ZNF385D: variants seen among roughly 807,000 people sequenced by gnomAD.
ZNF385D encodes zinc finger protein 385D, also known as zinc finger protein 659.
ZNF385D carries 15 observed loss-of-function variants against 35.8 expected under a neutral mutation model. The observed-to-expected ratio is 0.42, with a 90% CI of 0.28 to 0.64. ZNF385D has a LOEUF of 0.64. Ranked by LOEUF, ZNF385D falls within the 30% of genes least tolerant of loss-of-function variation. The pLI is 0.23. For missense variants in ZNF385D, 474 were observed against 494.6 expected, an observed-to-expected ratio of 0.96 and a Z score of 0.39; for synonymous variants, 212 against 186.8, an observed-to-expected ratio of 1.13 and a Z score of -1.10.
chr3:21,661,897 T>C (rs1245933090), intron 2 of ZNF385D, among the ~76,000 whole-genome samples: 1 of 152,194 alleles, frequency 6.6e-6, no homozygotes, highest in African/African-American at 2.4e-5. Flanking sequence ...TGGTTTATGC[T>C]CTTGTGGAAG....
At chr3:21,746,545 T>C (rs374896543) in intron 1 of ZNF385D, among the ~76,000 whole-genome samples, 3 of 152,342 alleles carry the variant, frequency 2.0e-5, no homozygotes, top group Admixed American at 6.5e-5. Context: ...TTTGTAGTAA[T>C]TTATTGCATG....
chr3:21,992,976 G>T (rs1167983080), intron 3 of ZNF385D, among the ~76,000 whole-genome samples: 1 of 152,122 alleles, frequency 6.6e-6, no homozygotes, highest in Non-Finnish European at 1.5e-5. Flanking sequence ...TCACCCACAG[G>T]AGTAGTATAG....
intron 3 of ZNF385D, among the ~76,000 whole-genome samples, chr3:21,872,272 T>G (rs1437745388): frequency 6.6e-6 from 1 of 152,136 alleles, no homozygotes; most frequent in African/African-American, 2.4e-5. Context: ...TAAGGTTTGT[T>G]TCCATTTGAG....
intron 3 of ZNF385D, among the ~76,000 whole-genome samples, chr3:21,985,009 T>C (rs574488453): frequency 2.0e-5 from 3 of 151,452 alleles, no homozygotes; most frequent in South Asian, 2.1e-4. Flanking sequence ...TTTTTGTACA[T>C]TGATTTTGTA....
intron 2 of ZNF385D, among the ~76,000 whole-genome samples, chr3:22,246,081 G>T (rs1346313537): frequency 6.6e-6 from 1 of 152,046 alleles, no homozygotes; most frequent in Non-Finnish European, 1.5e-5. Context: ...CAGATGCTTG[G>T]ATCAGGTTTA....
At chr3:21,559,725 A>G (rs1355165309) in intron 3 of ZNF385D, among the ~76,000 whole-genome samples, 1 of 152,184 alleles carries the variant, frequency 6.6e-6, no homozygotes, top group Admixed American at 6.5e-5. Context: ...AGGTTGGGGA[A>G]GTTCTCCTGG....
chr3:22,216,899 G>C (rs967237764), intron 2 of ZNF385D, among the ~76,000 whole-genome samples: 3 of 152,108 alleles, frequency 2.0e-5, no homozygotes, highest in Admixed American at 1.3e-4. Context: ...TGGCCAATTT[G>C]AAAGTCATAT....
intron 3 of ZNF385D, among the ~76,000 whole-genome samples, chr3:21,548,592 C>A (rs1161164481): frequency 6.6e-6 from 1 of 152,164 alleles, no homozygotes; most frequent in South Asian, 2.1e-4. Context: ...TCCATACTTA[C>A]GGTATTAGTA....
At position 22,044,610 on chromosome 3, in the gene ZNF385D, A is replaced by T. The variant is rs188416426; in HGVS notation, c.325+124207T>A. ...TTATTATGTAGGGAAGGTGGTGATG[A>T]ATTTTGGAGTAAAGGTTTTTAGAAA... On this transcript the variant is annotated intron_variant, in intron 3 of 5. Transcript: ENST00000494108. 1.9e-4 allele frequency among the ~76,000 whole-genome samples: 29 copies of T among 152,168 alleles called. 1 individual carries two copies. The East Asian group carries it at 5.6e-3, about 29-fold the overall frequency.
intron 2 of ZNF385D, among the ~76,000 whole-genome samples, chr3:22,177,356 G>A (rs868402792): frequency 6.6e-6 from 1 of 152,170 alleles, no homozygotes; most frequent in Non-Finnish European, 1.5e-5. Context: ...GAAGACCTGA[G>A]TTAGAGAATG....
intron 3 of ZNF385D, among the ~76,000 whole-genome samples, chr3:22,110,221 T>A (rs1702440889): frequency 1.3e-5 from 2 of 151,936 alleles, no homozygotes; most frequent in East Asian, 3.9e-4. Context: ...ATTGTGGAAG[T>A]CAGTGTGGCG....
intron 3 of ZNF385D, among the ~76,000 whole-genome samples, chr3:21,845,836 T>C (rs553158978): frequency 9.2e-5 from 14 of 152,096 alleles, no homozygotes; most frequent in African/African-American, 1.9e-4. Flanking sequence ...TCTACATCAA[T>C]GTCAGATTAA....
chr3:22,093,241 A>AT (rs1700020199), intron 3 of ZNF385D, among the ~76,000 whole-genome samples: 1 of 152,098 alleles, frequency 6.6e-6, no homozygotes, highest in Non-Finnish European at 1.5e-5. Context: ...GAAATAAAAC[A>AT]TTTTTTAGAA....
At chr3:22,044,955 C>G (rs1448688831) in intron 3 of ZNF385D, among the ~76,000 whole-genome samples, 1 of 152,052 alleles carries the variant, frequency 6.6e-6, no homozygotes, top group East Asian at 1.9e-4. Flanking sequence ...TAAAAAAAGA[C>G]TGAGCTGAGA....
intron 3 of ZNF385D, among the ~76,000 whole-genome samples, chr3:21,863,108 G>C (rs970035641): frequency 3.3e-5 from 5 of 152,054 alleles, no homozygotes; most frequent in Non-Finnish European, 5.9e-5. Flanking sequence ...CAAAATCCTA[G>C]AGGCCAGTAG....
intron 2 of ZNF385D, among the ~76,000 whole-genome samples, chr3:22,221,309 C>G (rs938049274): frequency 1.3e-5 from 2 of 152,000 alleles, no homozygotes; most frequent in African/African-American, 4.8e-5. Flanking sequence ...TGTAAGAAAA[C>G]TTGTTATAAA....
At chr3:22,108,169 A>G (rs989458072) in intron 3 of ZNF385D, among the ~76,000 whole-genome samples, 4 of 152,144 alleles carry the variant, frequency 2.6e-5, no homozygotes, top group African/African-American at 9.7e-5. Flanking sequence ...AAGACACAGA[A>G]TAAACTGAAA....
At chr3:22,229,033 G>T (rs1174859249) in intron 2 of ZNF385D, among the ~76,000 whole-genome samples, 1 of 152,150 alleles carries the variant, frequency 6.6e-6, no homozygotes, top group Non-Finnish European at 1.5e-5. Context: ...CTTGCAGGAG[G>T]CCTATTGTGG....
chr3:21,473,043 G>A (rs1266652392), intron 4 of ZNF385D, among the ~76,000 whole-genome samples: 5 of 151,958 alleles, frequency 3.3e-5, no homozygotes, highest in East Asian at 1.9e-4. Context: ...CTAAACTGAC[G>A]TAATCACCTT....
Sources: allele counts gnomAD v4.1 joint callset (sites outside exome capture counted in the v4.1 genomes callset), GRCh38; gene constraint gnomAD v4.1.1; transcripts MANE v1.5; gene names NCBI Gene and HGNC (gene_info 2026-07-23, HGNC 2026-07-21).